The following ATF7 variants were observed in gnomAD, a reference collection of about 807,000 sequenced individuals.
The protein encoded by ATF7 is cyclic AMP-dependent transcription factor ATF-7.
In ATF7, 10 loss-of-function variants were observed where a neutral mutation model predicts 50.4. That is an observed-to-expected ratio of 0.20 (90% confidence interval 0.12 to 0.34). The LOEUF (loss-of-function observed/expected upper bound fraction) is 0.34, where lower values mean the gene tolerates loss of function less well. Ranked by LOEUF, ATF7 falls within the 10% of genes least tolerant of loss-of-function variation. The probability of loss-of-function intolerance (pLI) is 1.00; values close to 1 mark genes in which losing one functional copy is unlikely to be tolerated. For missense variants in ATF7, 465 were observed against 613.9 expected (o/e 0.76, Z 2.56); for synonymous variants, 201 against 226.4 (o/e 0.89, Z 1.01).
At chr12:53,616,460 A>T (rs184261541) in intron 1 of ATF7, among the ~76,000 whole-genome samples, 6 of 152,038 alleles carry the variant, frequency 3.9e-5, no homozygotes, top group African/African-American at 1.2e-4. Context: ...AAGCTCAAGC[A>T]ATCTGCCCAC....
intron 2 of ATF7, among the ~76,000 whole-genome samples, chr12:53,556,241 G>A (rs1335581566): frequency 2.6e-5 from 4 of 152,116 alleles, no homozygotes; most frequent in Admixed American, 6.6e-5. Flanking sequence ...TTTGAAAACC[G>A]TATTATAATA....
chr12:53,547,747 T>G (rs966102391), intron 3 of ATF7, among the ~76,000 whole-genome samples: 1 of 149,082 alleles, frequency 6.7e-6, no homozygotes, highest in African/African-American at 2.5e-5. Flanking sequence ...TCGGCTAATT[T>G]TATGTATGTA....
At chr12:53,616,726 T>C in intron 1 of ATF7, among the ~76,000 whole-genome samples, 1 of 151,688 alleles carries the variant, frequency 6.6e-6, no homozygotes. Flanking sequence ...GTGGATTGCC[T>C]GAGCTCAGGA....
chr12:53,529,492 C>G (rs1349940055), intron 9 of ATF7, among the ~76,000 whole-genome samples: 1 of 151,642 alleles, frequency 6.6e-6, no homozygotes, highest in African/African-American at 2.4e-5. Flanking sequence ...TGAGCCACCA[C>G]GCCTGGCTAA....
intron 3 of ATF7, among the ~76,000 whole-genome samples, chr12:53,546,977 CTTT>C (rs565759569): frequency 2.6e-5 from 3 of 116,432 alleles, no homozygotes; most frequent in Non-Finnish European, 3.7e-5. Context: ...CAGGCTGGCT[CTTT>C]TTTTTTTTTT....
At chr12:53,567,412 C>T (rs995186366) in intron 2 of ATF7, among the ~76,000 whole-genome samples, 1 of 152,212 alleles carries the variant, frequency 6.6e-6, no homozygotes, top group Non-Finnish European at 1.5e-5. Context: ...AAGATCACTC[C>T]TCACTAAAGA....
chr12:53,594,805 T>C (rs1943084590), intron 2 of ATF7, among the ~76,000 whole-genome samples: 1 of 151,736 alleles, frequency 6.6e-6, no homozygotes, highest in South Asian at 2.1e-4. Context: ...GGAGAATCGC[T>C]TGAACCTGGG....
chr12:53,616,151 CAT>C (rs936959460), intron 1 of ATF7, among the ~76,000 whole-genome samples: 33 of 152,160 alleles, frequency 2.2e-4, no homozygotes, highest in Admixed American at 9.2e-4. Context: ...TGTGGCAAAA[CAT>C]GTGACCACAG....
chr12:53,581,720 T>C (rs1007573185), intron 2 of ATF7, among the ~76,000 whole-genome samples: 3 of 151,782 alleles, frequency 2.0e-5, no homozygotes, highest in East Asian at 1.9e-4. Context: ...TGAATAAACA[T>C]ACTAGAAAAG....
intron 9 of ATF7, among the ~76,000 whole-genome samples, chr12:53,529,265 T>C (rs1011371493): frequency 3.3e-5 from 5 of 152,200 alleles, no homozygotes; most frequent in Non-Finnish European, 7.3e-5. Flanking sequence ...AATGGTGCGA[T>C]CTCGGCTCAC....
intron 6 of ATF7, 59 bp downstream of exon 6, chr12:53,534,443 G>A: frequency 1.9e-6 from 3 of 1,599,998 alleles, no homozygotes; most frequent in Non-Finnish European, 2.6e-6. Context: ...TTATCAAATA[G>A]TTTCATGTAA....
Position 53,524,561 on chromosome 12 carries a change from C to G in ATF7, c.1125+3G>C. ...TTCCAATAAGCATCCAGGACCCACTCACACTCAGCTGAATGTTCTGAGAAG... is the reference window on the plus strand; with the variant it reads ...TTCCAATAAGCATCCAGGACCCACTGACACTCAGCTGAATGTTCTGAGAAG... On this transcript the variant is annotated splice_donor_region_variant and intron_variant, in intron 10 of 11. Transcript: ENST00000420353. This position sits in a 1 kb window ranked among gnomAD's most constrained non-coding sequence, Gnocchi z 4.6. 6.2e-7 allele frequency: 1 copy of G among 1,613,720 alleles called. No individual in the cohort carries two copies. Among genetic ancestry groups the G allele is most frequent in the Non-Finnish European group, 8.5e-7 (1 of 1,179,886 alleles).
intron 4 of ATF7, among the ~76,000 whole-genome samples, chr12:53,542,133 T>C (rs1939602108): frequency 6.8e-6 from 1 of 146,586 alleles, no homozygotes; most frequent in South Asian, 2.2e-4. Flanking sequence ...TTTTAAGAGA[T>C]AGGGTCTCCG....
intron 1 of ATF7, among the ~76,000 whole-genome samples, chr12:53,611,409 C>T (rs1279745409): frequency 6.6e-6 from 1 of 152,172 alleles, no homozygotes; most frequent in Non-Finnish European, 1.5e-5. Flanking sequence ...GCCGAGATCA[C>T]GCCACTGCAC....
intron 3 of ATF7, among the ~76,000 whole-genome samples, chr12:53,548,091 T>C (rs1940070217): frequency 6.6e-6 from 1 of 152,086 alleles, no homozygotes; most frequent in Non-Finnish European, 1.5e-5. Flanking sequence ...GGTCTTGGAC[T>C]CCTGGCCTCA....
rs887014141 is a variant in ATF7 at position 53,527,028 on chromosome 12, G to A, written c.928-2267C>T. On this transcript the variant is annotated intron_variant, in intron 9 of 11. Transcript: ENST00000420353. ...ACAAAAATTAGCTGGGCATGGTGGCGCATGCCTGTAATTCCAGCTACTCGG... is the reference window on the plus strand; with the variant it reads ...ACAAAAATTAGCTGGGCATGGTGGCACATGCCTGTAATTCCAGCTACTCGG... 1.0e-4 allele frequency among the ~76,000 whole-genome samples: 15 copies of A among 150,592 alleles called. 1 individual carries two copies. Among genetic ancestry groups the A allele is most frequent in the South Asian group, 8.4e-4 (4 of 4,752 alleles).
At chr12:53,582,311 T>C (rs1592925960) in intron 2 of ATF7, among the ~76,000 whole-genome samples, 2 of 142,648 alleles carry the variant, frequency 1.4e-5, no homozygotes, top group East Asian at 4.1e-4. Flanking sequence ...CCTGGCGACA[T>C]AGCAAGACTC....
chr12:53,600,830 C>G, intron 2 of ATF7, 123 bp downstream of exon 2: 1 of 926,588 alleles, frequency 1.1e-6, no homozygotes, highest in Non-Finnish European at 1.7e-6. Context: ...CACTGCAAAT[C>G]CTCTGATCTG....
intron 2 of ATF7, among the ~76,000 whole-genome samples, chr12:53,572,332 C>T (rs1941808447): frequency 2.0e-5 from 3 of 152,144 alleles, no homozygotes; most frequent in Admixed American, 2.0e-4. Flanking sequence ...CCTAAAGGAG[C>T]AGAAACCCAT....
Sources: gnomAD v4.1 joint callset for allele counts (sites outside exome capture counted in the v4.1 genomes callset) on GRCh38, gnomAD v4.1.1 for gene constraint, Gnocchi (gnomAD v3.1) non-coding constraint, MANE v1.5 for transcripts, NCBI Gene and HGNC (gene_info 2026-07-23, HGNC 2026-07-21) for gene names.